The following DBNDD1 variants were observed in gnomAD, a reference collection of about 807,000 sequenced individuals.
DBNDD1 encodes the protein dysbindin domain containing 1.
A neutral mutation model predicts 17.0 loss-of-function variants in DBNDD1; 14 were observed. The ratio of observed to expected loss-of-function variants is 0.82; its 90% CI spans 0.54 to 1.29. DBNDD1 has a LOEUF of 1.29. Ranked by LOEUF, DBNDD1 falls within the 50% of genes most tolerant of loss-of-function variation. DBNDD1 has a pLI of 0.00. For synonymous variants in DBNDD1, 105 were observed against 102.0 expected (o/e 1.03, Z -0.18); for missense variants, 221 against 216.2 (o/e 1.02, Z -0.14).
intron 1 of DBNDD1, chr16:90,009,784 C>G (rs1325735013): frequency 9.7e-6 from 7 of 720,906 alleles, no homozygotes; most frequent in Non-Finnish European, 1.6e-5. Flanking sequence ...CCTCTGATTT[C>G]TAGCTCGGCC....
chr16:90,006,374 C>T lies in DBNDD1; in HGVS notation c.438G>A (p.Leu146=). The change falls in exon 4 of 4, where the codon CTG becomes CTA. Residue 146 remains leucine (L), a synonymous_variant. Transcript: ENST00000002501. ...LGDPERQATV[L]DTFLTVERPQ... is the part of the protein sequence containing the mutation. ...GCCTCTCCACAGTGAGAAACGTGTC[C>T]AGGACTGTGGCCTGCCGCTCGGGGT... 6.2e-7 allele frequency: 1 copy of T among 1,609,156 alleles called. No individual in the cohort carries two copies. The highest frequency in any genetic ancestry group is 8.5e-7 in the Non-Finnish European group (1 of 1,179,630).
At chr16:90,010,471 G>A (rs1481184495) in intron 1 of DBNDD1, among the ~76,000 whole-genome samples, 1 of 149,208 alleles carries the variant, frequency 6.7e-6, no homozygotes, top group Non-Finnish European at 1.5e-5. Context: ...GGGTTCAAGC[G>A]ATTCTCCTGC....
Position 90,009,431 on chromosome 16 carries a change from C to T in DBNDD1, c.32-1G>A. The T allele has an allele frequency of 1.2e-6, 2 of 1,610,430 alleles. No homozygotes were observed. The highest frequency in any genetic ancestry group is 1.7e-6 in the Non-Finnish European group (2 of 1,179,990). ...GGCACCTCAGCCTCCTTAACGATCTCTGCATCCAAAGACACAGTGTCACCT... is the reference window on the plus strand; with the variant it reads ...GGCACCTCAGCCTCCTTAACGATCTTTGCATCCAAAGACACAGTGTCACCT... On this transcript the variant is annotated splice_acceptor_variant, in intron 1 of 3. Transcript: ENST00000002501. LOFTEE classifies it high-confidence loss of function.
chr16:90,012,087 C>A (rs746881358), intron 1 of DBNDD1, among the ~76,000 whole-genome samples: 11 of 152,236 alleles, frequency 7.2e-5, no homozygotes, highest in Non-Finnish European at 1.6e-4. Flanking sequence ...CTGCAGAGGG[C>A]GTAGCCCTGT....
chr16:90,017,554 T>C (rs2035661298), intron 1 of DBNDD1, among the ~76,000 whole-genome samples: 1 of 152,150 alleles, frequency 6.6e-6, no homozygotes, highest in African/African-American at 2.4e-5. Flanking sequence ...TGAAATAATA[T>C]GTCTAGATTT....
intron 1 of DBNDD1, among the ~76,000 whole-genome samples, chr16:90,013,162 G>A (rs1294987307): frequency 6.6e-6 from 1 of 150,452 alleles, no homozygotes. Flanking sequence ...CAGCTACTCG[G>A]GAAGCTGAGG....
At chr16:90,012,130 C>T (rs911974124) in intron 1 of DBNDD1, among the ~76,000 whole-genome samples, 6 of 152,230 alleles carry the variant, frequency 3.9e-5, no homozygotes, top group Non-Finnish European at 5.9e-5. Context: ...GTGCTGCAGC[C>T]GGCCCTGAGG....
At position 90,006,233 on chromosome 16, in the gene DBNDD1, G is replaced by T; in HGVS notation, c.*102C>A. On this transcript the variant is annotated 3_prime_UTR_variant, in exon 4 of 4. Coordinates refer to ENST00000002501, the MANE Select transcript of DBNDD1 (RefSeq NM_001042610.3). ...TGTGTGTCAGGAGGTGACGGCTGGA[G>T]CCTCGTGGGCGGGTGAAGTGTGTCT... 1 of 1,434,626 alleles carries T rather than the reference G, an allele frequency of 7.0e-7. No individual in the cohort carries two copies. Among genetic ancestry groups the T allele is most frequent in the Non-Finnish European group, 9.3e-7 (1 of 1,075,508 alleles). 88.9% of individuals were successfully genotyped at this position (1,434,626 alleles called of 1,614,324 possible). A position where few individuals can be genotyped will look rare whatever the true frequency, so the allele number is the denominator to read the frequency against.
At chr16:90,010,251 G>T in intron 1 of DBNDD1, 1 of 492,882 alleles carries the variant, frequency 2.0e-6, no homozygotes, top group Non-Finnish European at 3.6e-6. Flanking sequence ...TCACCATGTT[G>T]GCCAGGCTGA....
At chr16:90,013,285 A>T (rs1338200386) in intron 1 of DBNDD1, among the ~76,000 whole-genome samples, 1 of 148,694 alleles carries the variant, frequency 6.7e-6, no homozygotes, top group Non-Finnish European at 1.5e-5. Context: ...AAAAAAAAAG[A>T]CAGTGGCTTA....
intron 1 of DBNDD1, among the ~76,000 whole-genome samples, chr16:90,013,060 G>C (rs1487984401): frequency 6.6e-6 from 1 of 151,700 alleles, no homozygotes; most frequent in Non-Finnish European, 1.5e-5. Context: ...GTTCTGCAGA[G>C]AATCTCTGGG....
intron 1 of DBNDD1, among the ~76,000 whole-genome samples, chr16:90,016,427 C>T (rs2035644277): frequency 6.6e-6 from 1 of 152,188 alleles, no homozygotes; most frequent in Non-Finnish European, 1.5e-5. Flanking sequence ...GGGGCGGGTG[C>T]TGGCAGCCCC....
chr16:90,006,394 CG>C lies in DBNDD1; in HGVS notation c.417del (p.Glu140SerfsTer43). 2 of 1,607,368 alleles carry C rather than the reference CG, an allele frequency of 1.2e-6. No homozygotes were observed. ...QSHEKQPLGDPERQATVLDTF... is the reference protein window; with the variant it reads ...QSHEKQPLGDXERQATVLDTF... Reference sequence around the variant, plus strand: ...GTGTCCAGGACTGTGGCCTGCCGCTCGGGGTCGCCTAGGGGCTGCTTCTCGT... The same window carrying C: ...GTGTCCAGGACTGTGGCCTGCCGCTCGGGTCGCCTAGGGGCTGCTTCTCGT... On this transcript the variant is annotated frameshift_variant, in exon 4 of 4. Transcript: ENST00000002501. LOFTEE classifies it high-confidence loss of function.
intron 1 of DBNDD1, among the ~76,000 whole-genome samples, chr16:90,010,601 T>A (rs1597580305): frequency 6.6e-6 from 1 of 151,894 alleles, no homozygotes; most frequent in East Asian, 1.9e-4. Flanking sequence ...AGTGCTGAGA[T>A]TATAGGCATG....
chr16:90,011,661 T>C (rs990896397), intron 1 of DBNDD1: 1 of 455,144 alleles, frequency 2.2e-6, no homozygotes. Context: ...TGGACGGGGC[T>C]CTCGCGGAAT....
intron 1 of DBNDD1, among the ~76,000 whole-genome samples, chr16:90,018,671 GCAGTAGGGCCTC>G (rs1256593762): frequency 1.1e-4 from 17 of 152,230 alleles, no homozygotes; most frequent in Admixed American, 6.5e-5. Flanking sequence ...CCAAGGTCCT[GCAGTAGGGCCTC>G]CACCATCAGG....
At chr16:90,014,759 C>T (rs1478531914) in intron 1 of DBNDD1, among the ~76,000 whole-genome samples, 4 of 152,110 alleles carry the variant, frequency 2.6e-5, no homozygotes, top group Non-Finnish European at 5.9e-5. Context: ...AATCCCAGCA[C>T]TTTGGGAGGC....
chr16:90,009,662 A>G (rs2035514192), intron 1 of DBNDD1: 6 of 649,496 alleles, frequency 9.2e-6, no homozygotes, highest in Non-Finnish European at 1.3e-5. Flanking sequence ...CCTAGTGAAC[A>G]AGGAATCTGA....
At position 90,009,344 on chromosome 16, in the gene DBNDD1, C is replaced by G; in HGVS notation, c.118G>C (p.Glu40Gln). 1.9e-6 allele frequency: 3 copies of G among 1,613,580 alleles called. No individual in the cohort carries two copies. The highest frequency in any genetic ancestry group is 2.5e-6 in the Non-Finnish European group (3 of 1,180,026). ...GGTACTGGGATGCCCCCGACCTCCTCCTCCACAGGCGTGTGGCCATTGTCC... is the reference window on the plus strand; with the variant it reads ...GGTACTGGGATGCCCCCGACCTCCTGCTCCACAGGCGTGTGGCCATTGTCC... ...TGDNGHTPVEEEVGGIPVPAP... is the reference protein window; with the variant it reads ...TGDNGHTPVEQEVGGIPVPAP... The change falls in exon 2 of 4, where the codon GAG becomes CAG. Residue 40 changes from glutamate (E) to glutamine (Q), a missense_variant. Physicochemically the swap from Glu to Gln is conservative, Grantham distance 29. Transcript: ENST00000002501.
Sources: gnomAD v4.1 joint callset for allele counts (sites outside exome capture counted in the v4.1 genomes callset) on GRCh38, gnomAD v4.1.1 for gene constraint, MANE v1.5 for transcripts, NCBI Gene and HGNC (gene_info 2026-07-23, HGNC 2026-07-21) for gene names.